The following RBFOX1 variants were observed in gnomAD, a reference collection of about 807,000 sequenced individuals.
The protein encoded by RBFOX1 is RNA binding protein fox-1 homolog 1.
Under a neutral mutation model 57.7 loss-of-function variants are expected in RBFOX1, and 8 were observed. That is an observed-to-expected ratio of 0.14 (90% CI 0.08 to 0.25). The LOEUF (loss-of-function observed/expected upper bound fraction) is 0.25, where lower values mean the gene tolerates loss of function less well. RBFOX1 is among the 10% of genes least tolerant of loss of function. RBFOX1 has a pLI of 1.00. For missense variants in RBFOX1, 611 were observed against 548.5 expected, an observed-to-expected ratio of 1.11 and a Z score of -1.14; for synonymous variants, 326 against 222.4, an observed-to-expected ratio of 1.47 and a Z score of -4.15.
intron 2 of RBFOX1, among the ~76,000 whole-genome samples, chr16:6,585,332 A>G (rs1246698152): frequency 6.6e-6 from 1 of 152,178 alleles, no homozygotes; most frequent in African/African-American, 2.4e-5. Context: ...ACACACATTT[A>G]TGGTGTGAGG....
intron 4 of RBFOX1, among the ~76,000 whole-genome samples, chr16:5,993,372 T>A (rs2060436000): frequency 1.2e-5 from 1 of 85,002 alleles, no homozygotes; most frequent in Middle Eastern, 6.3e-3. Flanking sequence ...TGTGTGTGTG[T>A]GTGTGTGTGT....
chr16:7,463,091 A>G (rs1319674072), intron 4 of RBFOX1, among the ~76,000 whole-genome samples: 1 of 152,218 alleles, frequency 6.6e-6, no homozygotes, highest in Non-Finnish European at 1.5e-5. Context: ...GGCAAGTCCA[A>G]GATCAGGGTA....
At chr16:7,095,507 G>A (rs930409578) in intron 4 of RBFOX1, among the ~76,000 whole-genome samples, 2 of 152,204 alleles carry the variant, frequency 1.3e-5, no homozygotes, top group African/African-American at 2.4e-5. Flanking sequence ...GTGATGTGGA[G>A]TTGTGTGTCC....
chr16:6,915,125 G>T (rs1051505968), intron 3 of RBFOX1, among the ~76,000 whole-genome samples: 2 of 152,168 alleles, frequency 1.3e-5, no homozygotes, highest in African/African-American at 4.8e-5. Context: ...CAGCTAATCA[G>T]TGGCGGAGCC....
intron 2 of RBFOX1, among the ~76,000 whole-genome samples, chr16:6,653,286 C>G (rs547595213): frequency 7.2e-4 from 109 of 151,384 alleles, no homozygotes; most frequent in South Asian, 5.7e-3. Flanking sequence ...TTCTGGAATA[C>G]CATTAAGTGA....
At chr16:5,428,734 A>C (rs563231230) in intron 1 of RBFOX1, among the ~76,000 whole-genome samples, 48 of 152,266 alleles carry the variant, frequency 3.2e-4, no homozygotes, top group African/African-American at 8.9e-4. Context: ...CATGGAGAGG[A>C]GGCCAGGAGG....
chr16:6,692,477 C>T lies in RBFOX1; in HGVS notation c.-16+37827C>T, dbSNP rs775819819. ...AACATTGAAATGTTTAACTACTTTC[C>T]GTGACCCTGTGGCCTAACAAAGAAA... On this transcript the variant is annotated intron_variant, in intron 3 of 15. Transcript: ENST00000550418. Among the ~76,000 whole-genome samples, 17 of 152,124 alleles carry T rather than the reference C, an allele frequency of 1.1e-4. No individual in the cohort carries two copies. In the East Asian group the frequency reaches 1.4e-3, roughly 12 times the overall value.
rs1490992508 is a variant in RBFOX1, at chr16:7,278,843, C to G, written c.27+226745C>G. Among the ~76,000 whole-genome samples, 5 of 152,152 alleles carry G rather than the reference C, an allele frequency of 3.3e-5. No individual in the cohort carries two copies. The South Asian group carries it at 1.0e-3, about 32-fold the overall frequency. ...CTGCCAATGAATTATGGAGCTGGGC[C>G]AAGGCTGTCTTGTTCTCAGCCTAAA... On this transcript the variant is annotated intron_variant, in intron 4 of 15. Transcript: ENST00000550418.
chr16:6,596,729 C>G (rs550335830), intron 2 of RBFOX1, among the ~76,000 whole-genome samples: 3 of 152,218 alleles, frequency 2.0e-5, no homozygotes, highest in African/African-American at 7.2e-5. Flanking sequence ...TAAGTCTTAG[C>G]TGGGCTCTGA....
intron 1 of RBFOX1, among the ~76,000 whole-genome samples, chr16:6,076,842 C>T (rs895789745): frequency 5.3e-5 from 8 of 152,076 alleles, no homozygotes; most frequent in East Asian, 1.9e-4. Context: ...AGGCCAAAAA[C>T]GGGAGCAGAA....
rs184033325 is a variant in RBFOX1 at position 6,251,514 on chromosome 16, G to A, written c.-126-65481G>A. Among the ~76,000 whole-genome samples, 48 of 152,150 alleles carry A rather than the reference G, an allele frequency of 3.2e-4. No homozygotes were observed. The East Asian group carries it at 8.5e-3, about 27-fold the overall frequency. On this transcript the variant is annotated intron_variant, in intron 1 of 15. Transcript: ENST00000550418. ...CAAAAGTTAGATATTTATTATACAT[G>A]GGTTTGGGGCTCTTTACAGTATGAT... is the stretch of plus-strand genomic sequence containing the variant.
At chr16:7,706,919 T>G (rs940286080) in intron 14 of RBFOX1, among the ~76,000 whole-genome samples, 1 of 152,174 alleles carries the variant, frequency 6.6e-6, no homozygotes, top group Non-Finnish European at 1.5e-5. Context: ...TATCAAAAAC[T>G]TTTTAACACA....
intron 3 of RBFOX1, among the ~76,000 whole-genome samples, chr16:6,698,841 C>A (rs2061429285): frequency 6.6e-6 from 1 of 152,078 alleles, no homozygotes; most frequent in Non-Finnish European, 1.5e-5. Context: ...TTCCATGTCC[C>A]CCACCTTCTA....
At chr16:6,915,418 C>T (rs1408404300) in intron 3 of RBFOX1, among the ~76,000 whole-genome samples, 1 of 152,146 alleles carries the variant, frequency 6.6e-6, no homozygotes, top group Non-Finnish European at 1.5e-5. Flanking sequence ...TTAATAAATC[C>T]ACGTAGCCCG....
At chr16:6,457,990 T>C (rs1232567305) in intron 2 of RBFOX1, among the ~76,000 whole-genome samples, 2 of 140,524 alleles carry the variant, frequency 1.4e-5, no homozygotes, top group Non-Finnish European at 3.1e-5. Flanking sequence ...CACACATACA[T>C]AGGTTTGTGT....
At chr16:7,149,827 C>T (rs1292428366) in intron 4 of RBFOX1, among the ~76,000 whole-genome samples, 1 of 152,146 alleles carries the variant, frequency 6.6e-6, no homozygotes, top group African/African-American at 2.4e-5. Context: ...ACTGAAGACT[C>T]CCCAAAGGCT....
chr16:6,915,877 T>C (rs1381183775), intron 3 of RBFOX1, among the ~76,000 whole-genome samples: 1 of 152,160 alleles, frequency 6.6e-6, no homozygotes, highest in Non-Finnish European at 1.5e-5. Context: ...AGTTGAATAA[T>C]TCTCCTGAAG....
intron 3 of RBFOX1, among the ~76,000 whole-genome samples, chr16:6,978,489 A>G (rs1294891874): frequency 6.6e-6 from 1 of 152,188 alleles, no homozygotes; most frequent in African/African-American, 2.4e-5. Context: ...GGTAGGTTGT[A>G]TTATTATCTC....
chr16:6,510,028 C>A (rs540143086), intron 2 of RBFOX1, among the ~76,000 whole-genome samples: 2 of 152,190 alleles, frequency 1.3e-5, no homozygotes, highest in South Asian at 2.1e-4. Flanking sequence ...GGTGTCTGTT[C>A]CTGTGATTGA....
Sources: gnomAD v4.1 joint callset for allele counts (sites outside exome capture counted in the v4.1 genomes callset) on GRCh38, gnomAD v4.1.1 for gene constraint, MANE v1.5 for transcripts, NCBI Gene and HGNC (gene_info 2026-07-23, HGNC 2026-07-21) for gene names.